The following ZNF644 variants were observed in gnomAD, a reference collection of about 807,000 sequenced individuals.
The protein encoded by ZNF644 is zinc finger protein 644.
In ZNF644, 20 loss-of-function variants were observed where a neutral mutation model predicts 108.0. The ratio of observed to expected loss-of-function variants is 0.19; its 90% CI spans 0.13 to 0.27. ZNF644 has a LOEUF of 0.27. Among genes scored for constraint, ZNF644 ranks in the 10% least tolerant of loss-of-function variants. The probability of loss-of-function intolerance (pLI) is 1.00; values close to 1 mark genes in which losing one functional copy is unlikely to be tolerated. For synonymous variants in ZNF644, 542 were observed against 539.1 expected, an observed-to-expected ratio of 1.01 and a Z score of -0.08; for missense variants, 1,338 against 1,548.9, an observed-to-expected ratio of 0.86 and a Z score of 2.29.
chr1:90,986,734 T>C (rs1570509786), intron 1 of ZNF644, among the ~76,000 whole-genome samples: 1 of 152,032 alleles, frequency 6.6e-6, no homozygotes. Context: ...TCTTCAGAAT[T>C]AACTCCGAAA....
At chr1:90,987,957 C>T (rs1657271575) in intron 1 of ZNF644, among the ~76,000 whole-genome samples, 1 of 152,108 alleles carries the variant, frequency 6.6e-6, no homozygotes, top group Non-Finnish European at 1.5e-5. Context: ...ACATCACACT[C>T]AACCGTGAAA....
At chr1:91,019,457 T>C (rs1316625095) in intron 1 of ZNF644, among the ~76,000 whole-genome samples, 1 of 152,228 alleles carries the variant, frequency 6.6e-6, no homozygotes, top group Admixed American at 6.5e-5. Context: ...TGGAAAACCT[T>C]AAAATTCAAA....
chr1:90,996,189 A>AACTATATACTTT (rs1279662467), intron 1 of ZNF644, among the ~76,000 whole-genome samples: 1 of 152,248 alleles, frequency 6.6e-6, no homozygotes, highest in Non-Finnish European at 1.5e-5. Flanking sequence ...AATATTTGCC[A>AACTATATACTTT]ACTATATACT....
chr1:90,954,268 T>C (rs998888798), intron 2 of ZNF644, among the ~76,000 whole-genome samples: 1 of 152,230 alleles, frequency 6.6e-6, no homozygotes, highest in African/African-American at 2.4e-5. Flanking sequence ...AATCCTATGT[T>C]GTCATTTCAA....
intron 1 of ZNF644, among the ~76,000 whole-genome samples, chr1:91,015,372 T>C (rs921879755): frequency 5.3e-5 from 8 of 152,236 alleles, no homozygotes; most frequent in African/African-American, 1.9e-4. Context: ...GACTATCCAA[T>C]GAAAAGATTA....
chr1:90,996,823 G>T (rs1173306258), intron 1 of ZNF644, among the ~76,000 whole-genome samples: 2 of 152,132 alleles, frequency 1.3e-5, no homozygotes, highest in African/African-American at 4.8e-5. Flanking sequence ...CAGGCACTAG[G>T]AAAGACAGAA....
At chr1:91,011,857 T>C (rs1274676196) in intron 1 of ZNF644, among the ~76,000 whole-genome samples, 1 of 152,170 alleles carries the variant, frequency 6.6e-6, no homozygotes, top group Non-Finnish European at 1.5e-5. Context: ...CTAACTGACA[T>C]AATGCCTGGA....
chr1:91,010,405 A>C (rs1570579124), intron 1 of ZNF644, among the ~76,000 whole-genome samples: 1 of 132,628 alleles, frequency 7.5e-6, no homozygotes, highest in South Asian at 2.4e-4. Flanking sequence ...CGCTTGGCTA[A>C]TTTTTTTTTT....
intron 4 of ZNF644, among the ~76,000 whole-genome samples, chr1:90,935,062 G>A (rs570675411): frequency 1.3e-5 from 2 of 152,118 alleles, no homozygotes; most frequent in Admixed American, 6.5e-5. Flanking sequence ...CACTGAGCCC[G>A]ACTAGAACTA....
rs1648697951 is a variant in ZNF644, at chr1:90,915,733, T to A, written c.*1065A>T. 6.6e-6 allele frequency: 1 copy of A among 152,620 alleles called. No homozygotes were observed. Among genetic ancestry groups the A allele is most frequent in the Non-Finnish European group, 1.5e-5 (1 of 67,996 alleles). 9.5% of individuals were successfully genotyped at this position (152,620 alleles called of 1,614,324 possible). On this transcript the variant is annotated 3_prime_UTR_variant, in exon 6 of 6. Transcript: ENST00000337393. ...CACGATTTTCGTACATATAATCACA[T>A]CCAAAACAAGTTCTAAAATTTAAAT...
rs530715591 is a variant in ZNF644 at position 91,001,381 on chromosome 1, G to A, written c.-17-19011C>T. On this transcript the variant is annotated intron_variant, in intron 1 of 5. Coordinates refer to ENST00000337393, the MANE Select transcript of ZNF644 (RefSeq NM_201269.3). ...CCCTGGGATGCAAGGCTGGTTCAAC[G>A]TACACAAATCAATAAACGTAATCCA... Among the ~76,000 whole-genome samples the A allele has an allele frequency of 2.1e-3, 315 of 151,532 alleles. 1 individual carries two copies. The highest frequency in any genetic ancestry group is 6.9e-3 in the South Asian group (33 of 4,778).
rs1657749979 is a variant in ZNF644 at position 90,992,582 on chromosome 1, G to A, written c.-17-10212C>T. ...AGATTGATATACAAAATTTGTACCT[G>A]CCCCAATTTCTATATGCAAACAATT... On this transcript the variant is annotated intron_variant, in intron 1 of 5. Transcript: ENST00000337393. Among the ~76,000 whole-genome samples, 2 of 152,122 alleles carry A rather than the reference G, an allele frequency of 1.3e-5. 1 individual carries two copies. Among genetic ancestry groups the A allele is most frequent in the South Asian group, 4.1e-4 (2 of 4,828 alleles).
chr1:90,974,075 A>C (rs1470653384), intron 2 of ZNF644, among the ~76,000 whole-genome samples: 1 of 152,134 alleles, frequency 6.6e-6, no homozygotes, highest in Non-Finnish European at 1.5e-5. Context: ...TGCCAAGAAG[A>C]ATCTGAACAA....
chr1:91,014,838 A>T (rs1042903213), intron 1 of ZNF644, among the ~76,000 whole-genome samples: 1 of 152,224 alleles, frequency 6.6e-6, no homozygotes, highest in East Asian at 1.9e-4. Context: ...AAAAGGATAT[A>T]TATGTAAGAA....
intron 1 of ZNF644, among the ~76,000 whole-genome samples, chr1:90,987,248 T>G (rs1657193421): frequency 1.0e-5 from 1 of 96,616 alleles, no homozygotes; most frequent in Admixed American, 8.8e-5. Context: ...TAGAGTTGGT[T>G]TTTTTTTTTT....
rs115912859 is a variant in ZNF644 at position 90,943,931 on chromosome 1, C to T, written c.45-2622G>A. 1.7e-3 allele frequency among the ~76,000 whole-genome samples: 258 copies of T among 152,272 alleles called. 2 individuals are homozygous for T. Among genetic ancestry groups the T allele is most frequent in the African/African-American group, 6.1e-3 (253 of 41,562 alleles). ...TAGCAACAATCTCATAAATCTGAAA[C>T]GAACGACAAAAAACTAGCTTGAAAG... is the stretch of plus-strand genomic sequence containing the variant. On this transcript the variant is annotated intron_variant, in intron 2 of 5. Transcript: ENST00000337393.
chr1:90,928,263 C>T (rs1650287848), intron 4 of ZNF644, among the ~76,000 whole-genome samples: 1 of 152,042 alleles, frequency 6.6e-6, no homozygotes, highest in African/African-American at 2.4e-5. Context: ...AGCAATTCTC[C>T]TGCCTCAGCC....
intron 2 of ZNF644, among the ~76,000 whole-genome samples, chr1:90,947,879 A>C (rs187767229): frequency 4.6e-5 from 7 of 152,308 alleles, no homozygotes; most frequent in Admixed American, 2.0e-4. Context: ...CAGTCTATAA[A>C]AATTTTATAA....
In ZNF644 at chr1:90,987,244, TG is replaced by T. The variant is rs1657190631; in HGVS notation, c.-17-4875del. 2.9e-5 allele frequency among the ~76,000 whole-genome samples: 4 copies of T among 140,094 alleles called. No homozygotes were observed. The South Asian group carries it at 9.0e-4, about 31-fold the overall frequency. The allele number at this position is 140,094 out of a possible 152,430, so 91.9% of individuals were successfully genotyped here. On this transcript the variant is annotated intron_variant, in intron 1 of 5. Coordinates refer to ENST00000337393, the MANE Select transcript of ZNF644 (RefSeq NM_201269.3). ...AAAAAAACTCAATGAAACCTAGAGT[TG>T]GTTTTTTTTTTTTTTTTTTTTTAAA...
Sources: gnomAD v4.1 joint callset for allele counts (sites outside exome capture counted in the v4.1 genomes callset) on GRCh38, gnomAD v4.1.1 for gene constraint, MANE v1.5 for transcripts, NCBI Gene and HGNC (gene_info 2026-07-23, HGNC 2026-07-21) for gene names.